FAAH2: variants seen among roughly 807,000 people sequenced by gnomAD.
The protein encoded by FAAH2 is fatty-acid amide hydrolase 2.
A neutral mutation model predicts 36.9 loss-of-function variants in FAAH2; 60 were observed. The ratio of observed to expected loss-of-function variants is 1.63; its 90% CI spans 1.32 to 2.02. The LOEUF (loss-of-function observed/expected upper bound fraction) is 2.02, where lower values mean the gene tolerates loss of function less well. FAAH2 is among the 30% of genes most tolerant of loss of function. FAAH2 has a pLI of 0.00. For synonymous variants in FAAH2, 214 were observed against 143.8 expected (o/e 1.49, Z -3.49); for missense variants, 689 against 397.5 (o/e 1.73, Z -6.23).
At chrX:57,275,199 G>A in the FAAH2 span, among the ~76,000 whole-genome samples, 2 of 112,319 alleles carry the variant, frequency 1.8e-5, no homozygotes, top group African/African-American at 6.5e-5. Context: ...AACTTACAAG[G>A]TATGTGAAGG....
At chrX:57,133,692 C>T in the FAAH2 span, among the ~76,000 whole-genome samples, 1 of 111,499 alleles carries the variant, frequency 9.0e-6, no homozygotes, top group Non-Finnish European at 1.9e-5. Context: ...TCTCAAATGT[C>T]TAAAGTACCT....
At chrX:57,428,075 T>C (rs1459839774) in intron 7 of FAAH2, among the ~76,000 whole-genome samples, 4 of 111,762 alleles carry the variant, frequency 3.6e-5, no homozygotes, top group Non-Finnish European at 7.5e-5. Flanking sequence ...AAAATCTATG[T>C]ACAAAAATTA....
chrX:57,141,292 G>A, the FAAH2 span, among the ~76,000 whole-genome samples: 3 of 111,850 alleles, frequency 2.7e-5, no homozygotes, highest in Middle Eastern at 4.6e-3. Context: ...AATCCTACTT[G>A]ATCATGTGAA....
intron 7 of FAAH2, chrX:57,395,009 C>T: frequency 7.1e-6 from 4 of 564,583 alleles, no homozygotes; most frequent in South Asian, 2.2e-5. Flanking sequence ...TAGGTCACCT[C>T]TAGCAAGTTT....
At chrX:57,208,623 G>T in the FAAH2 span, among the ~76,000 whole-genome samples, 1 of 112,028 alleles carries the variant, frequency 8.9e-6, no homozygotes, top group East Asian at 2.8e-4. Context: ...AATATAGGGT[G>T]TGGAGTGGGA....
At chrX:57,339,065 C>T (rs1602329095) in intron 4 of FAAH2, among the ~76,000 whole-genome samples, 1 of 111,298 alleles carries the variant, frequency 9.0e-6, no homozygotes, top group Admixed American at 9.6e-5. Context: ...CCAAAACAAA[C>T]ACATAGACCA....
chrX:57,145,067 T>C, the FAAH2 span, among the ~76,000 whole-genome samples: 1 of 111,108 alleles, frequency 9.0e-6, no homozygotes, highest in South Asian at 3.7e-4. Flanking sequence ...AATGACTTTT[T>C]CTGTGGGTAG....
chrX:57,308,250 A>G (rs981175985), intron 2 of FAAH2, among the ~76,000 whole-genome samples: 5 of 111,962 alleles, frequency 4.5e-5, no homozygotes, highest in Non-Finnish European at 9.4e-5. Context: ...ACTAATTTAC[A>G]TTCCCATCAA....
chrX:57,479,085 G>C (rs2057327651), intron 10 of FAAH2, among the ~76,000 whole-genome samples: 1 of 111,501 alleles, frequency 9.0e-6, no homozygotes, highest in African/African-American at 3.3e-5. Context: ...GGGCAGTTTG[G>C]CCATTTTCAC....
chrX:57,257,696 A>T, the FAAH2 span, among the ~76,000 whole-genome samples: 14 of 111,719 alleles, frequency 1.3e-4, no homozygotes, highest in Non-Finnish European at 2.3e-4. Flanking sequence ...TATAATTAAA[A>T]AAAGAAAATA....
chrX:57,147,833 C>A, the FAAH2 span, among the ~76,000 whole-genome samples: 1 of 111,776 alleles, frequency 8.9e-6, no homozygotes, highest in East Asian at 2.8e-4. Context: ...CATTCAGGAG[C>A]AGGTTATTTG....
intron 2 of FAAH2, among the ~76,000 whole-genome samples, chrX:57,300,488 C>G (rs984942394): frequency 8.9e-6 from 1 of 112,053 alleles, no homozygotes; most frequent in Non-Finnish European, 1.9e-5. Flanking sequence ...ACATGTCAGA[C>G]CTAAAACCAT....
At chrX:57,338,249 C>A (rs376775907) in intron 4 of FAAH2, among the ~76,000 whole-genome samples, 4 of 111,253 alleles carry the variant, frequency 3.6e-5, no homozygotes, top group Non-Finnish European at 3.8e-5. Context: ...TGTTCTCTGG[C>A]GGGCAGGAGT....
At chrX:57,379,094 C>T (rs190621439) in intron 6 of FAAH2, among the ~76,000 whole-genome samples, 2 of 111,972 alleles carry the variant, frequency 1.8e-5, no homozygotes, top group Non-Finnish European at 3.8e-5. Flanking sequence ...TTCAGCCTTT[C>T]TGATTCTTCT....
chrX:57,437,903 A>G (rs1387809342), intron 8 of FAAH2, among the ~76,000 whole-genome samples: 20 of 103,563 alleles, frequency 1.9e-4, no homozygotes, highest in Non-Finnish European at 3.3e-4. Flanking sequence ...ATGTATACAC[A>G]TATATACATA....
intron 3 of FAAH2, among the ~76,000 whole-genome samples, chrX:57,311,215 T>C (rs1255201841): frequency 8.9e-6 from 1 of 112,341 alleles, no homozygotes; most frequent in African/African-American, 3.2e-5. Context: ...CAAGGAAATG[T>C]TTGAACTGAA....
chrX:57,340,595 G>A (rs1057047466), intron 4 of FAAH2, among the ~76,000 whole-genome samples: 1 of 111,827 alleles, frequency 8.9e-6, no homozygotes, highest in Non-Finnish European at 1.9e-5. Context: ...AATACAACAC[G>A]GAATGCTATT....
intron 8 of FAAH2, among the ~76,000 whole-genome samples, chrX:57,444,762 A>T (rs1200100567): frequency 9.0e-6 from 1 of 111,725 alleles, no homozygotes; most frequent in Non-Finnish European, 1.9e-5. Flanking sequence ...CTAATTACTT[A>T]TTCTATTTGT....
At chrX:57,277,988 G>A in the FAAH2 span, among the ~76,000 whole-genome samples, 3 of 111,480 alleles carry the variant, frequency 2.7e-5, no homozygotes, top group East Asian at 8.5e-4. Flanking sequence ...CGTGAAAATG[G>A]CCATACTGCA....
Sources: allele counts gnomAD v4.1 joint callset (sites outside exome capture counted in the v4.1 genomes callset), GRCh38; gene constraint gnomAD v4.1.1; transcripts MANE v1.5; gene names NCBI Gene and HGNC (gene_info 2026-07-23, HGNC 2026-07-21).